The following MAGI3 variants were observed in gnomAD, a reference collection of about 807,000 sequenced individuals.
MAGI3 encodes the protein membrane-associated guanylate kinase, WW and PDZ domain-containing protein 3.
In MAGI3, 43 loss-of-function variants were observed where a neutral mutation model predicts 121.8. That is an observed-to-expected ratio of 0.35 (90% confidence interval 0.28 to 0.46). The LOEUF (loss-of-function observed/expected upper bound fraction) is 0.46, where lower values mean the gene tolerates loss of function less well. Among genes scored for constraint, MAGI3 ranks in the 20% least tolerant of loss-of-function variants. MAGI3 has a pLI of 1.00. For synonymous variants in MAGI3, 553 were observed against 639.3 expected, an observed-to-expected ratio of 0.86 and a Z score of 2.04; for missense variants, 1,547 against 1,797.3, an observed-to-expected ratio of 0.86 and a Z score of 2.52.
intron 1 of MAGI3, among the ~76,000 whole-genome samples, chr1:113,531,152 T>TA: frequency 6.6e-6 from 1 of 152,286 alleles, no homozygotes; most frequent in Admixed American, 6.5e-5. Context: ...TCTTTTTTTT[T>TA]AAGTTAATTT....
In MAGI3 at chr1:113,596,149, G is replaced by A. The variant is rs147856204; in HGVS notation, c.1018+1589G>A. 2.4e-4 allele frequency among the ~76,000 whole-genome samples: 37 copies of A among 151,904 alleles called. No individual in the cohort carries two copies. In the East Asian group the frequency reaches 6.8e-3, roughly 28 times the overall value. The stretch of plus-strand genomic sequence containing the variant: ...GAAGACATAGGGTACCAGATCTGAA[G>A]ACTTATTTTAGAGCTACAGTGATAA... On this transcript the variant is annotated intron_variant, in intron 6 of 20. Coordinates refer to ENST00000307546, the MANE Select transcript of MAGI3 (RefSeq NM_001142782.2).
At chr1:113,520,560 C>T (rs1658125641) in intron 1 of MAGI3, among the ~76,000 whole-genome samples, 2 of 151,706 alleles carry the variant, frequency 1.3e-5, no homozygotes, top group South Asian at 4.2e-4. Context: ...AATCTTAGGG[C>T]TTTTTTTTAA....
intron 15 of MAGI3, among the ~76,000 whole-genome samples, chr1:113,654,721 T>A (rs1244528671): frequency 6.6e-6 from 1 of 152,050 alleles, no homozygotes; most frequent in Non-Finnish European, 1.5e-5. Context: ...AATATTTGTC[T>A]TGATATTTCT....
chr1:113,569,561 T>A (rs1025584458), intron 2 of MAGI3, among the ~76,000 whole-genome samples: 13 of 152,154 alleles, frequency 8.5e-5, no homozygotes, highest in Non-Finnish European at 7.4e-5. Context: ...TTCTTCATAA[T>A]CTCTCTTATT....
At chr1:113,569,975 C>T (rs1038588638) in intron 2 of MAGI3, among the ~76,000 whole-genome samples, 3 of 152,082 alleles carry the variant, frequency 2.0e-5, no homozygotes, top group African/African-American at 4.8e-5. Flanking sequence ...CTGCACCCAT[C>T]AACCTATCAT....
At chr1:113,419,140 G>A (rs1652605909) in intron 1 of MAGI3, among the ~76,000 whole-genome samples, 1 of 151,994 alleles carries the variant, frequency 6.6e-6, no homozygotes, top group South Asian at 2.1e-4. Context: ...ATAGAGTTTA[G>A]GGGGCCCATT....
chr1:113,432,707 GTTAT>G (rs1395088420), intron 1 of MAGI3, among the ~76,000 whole-genome samples: 1 of 151,690 alleles, frequency 6.6e-6, no homozygotes, highest in Non-Finnish European at 1.5e-5. Context: ...AACTTAAAGA[GTTAT>G]TTATCAGGAG....
chr1:113,564,461 A>G (rs1426176790), intron 2 of MAGI3, among the ~76,000 whole-genome samples: 1 of 152,252 alleles, frequency 6.6e-6, no homozygotes, highest in Non-Finnish European at 1.5e-5. Context: ...GAAACTGGCA[A>G]GATAAAATCA....
Position 113,683,849 on chromosome 1 carries a change from C to T in MAGI3, c.4281C>T (p.His1427=). 6.2e-7 allele frequency: 1 copy of T among 1,612,372 alleles called. No individual in the cohort carries two copies. The highest frequency in any genetic ancestry group is 1.3e-5 in the African/African-American group (1 of 74,960). Reference sequence around the variant, plus strand: ...TAGTTTCAAACAAAACAGAAGATCACAAAGGGAAAGAACTAGAGGCAGCTG... The same window carrying T: ...TAGTTTCAAACAAAACAGAAGATCATAAAGGGAAAGAACTAGAGGCAGCTG... ...EKVVSNKTED[H]KGKELEAADK... is the part of the protein sequence containing the mutation. Residue 1427 remains histidine (H), a synonymous_variant, in exon 21 of 21, where the codon CAC becomes CAT. Coordinates refer to ENST00000307546, the MANE Select transcript of MAGI3 (RefSeq NM_001142782.2).
At position 113,571,464 on chromosome 1, in the gene MAGI3, T is replaced by C. The variant is rs542837747; in HGVS notation, c.434-9078T>C. Among the ~76,000 whole-genome samples, 202 of 152,348 alleles carry C rather than the reference T, an allele frequency of 1.3e-3. 2 individuals carry two copies. The highest frequency in any genetic ancestry group is 4.5e-3 in the African/African-American group (188 of 41,588). The stretch of plus-strand genomic sequence containing the variant: ...GTAGCTTGATGGGGATAGCATTGAA[T>C]CTATAAATTACTTTGGGCAGTGTGG... On this transcript the variant is annotated intron_variant, in intron 2 of 20. Transcript: ENST00000307546.
chr1:113,452,071 A>G (rs1654510882), intron 1 of MAGI3, among the ~76,000 whole-genome samples: 1 of 152,212 alleles, frequency 6.6e-6, no homozygotes, highest in South Asian at 2.1e-4. Context: ...TTAATAAAGA[A>G]CAAGAGATCA....
chr1:113,537,449 C>T (rs2153977), intron 1 of MAGI3, among the ~76,000 whole-genome samples: 44,213 of 152,022 alleles, frequency 0.29, 7,283 homozygotes, highest in East Asian at 0.65. Context: ...CTACTGACAT[C>T]ACACCTCCCA....
chr1:113,396,621 A>G (rs1468456217), intron 1 of MAGI3, among the ~76,000 whole-genome samples: 1 of 152,166 alleles, frequency 6.6e-6, no homozygotes, highest in Admixed American at 6.5e-5. Flanking sequence ...ATTATTCAGA[A>G]TGTTTTCCAA....
intron 19 of MAGI3, among the ~76,000 whole-genome samples, chr1:113,679,597 C>A (rs1648090908): frequency 6.6e-6 from 1 of 152,162 alleles, no homozygotes; most frequent in South Asian, 2.1e-4. Context: ...TTGACTTTTA[C>A]ATATTTTCCC....
At chr1:113,641,039 TA>T (rs1652459048) in intron 9 of MAGI3, among the ~76,000 whole-genome samples, 1 of 125,630 alleles carries the variant, frequency 8.0e-6, no homozygotes, top group African/African-American at 3.1e-5. Flanking sequence ...ATGATATATA[TA>T]ATATATATGA....
intron 1 of MAGI3, among the ~76,000 whole-genome samples, chr1:113,478,351 C>T (rs1342890949): frequency 6.6e-6 from 1 of 152,146 alleles, no homozygotes; most frequent in Non-Finnish European, 1.5e-5. Context: ...TCTGGTTTCT[C>T]CTCATTTTTG....
chr1:113,597,968 C>G (rs1260247057), intron 6 of MAGI3, among the ~76,000 whole-genome samples: 1 of 152,096 alleles, frequency 6.6e-6, no homozygotes, highest in Non-Finnish European at 1.5e-5. Flanking sequence ...AATCCCAGCA[C>G]TTTGGGAGGC....
At chr1:113,459,503 C>T (rs888713886) in intron 1 of MAGI3, among the ~76,000 whole-genome samples, 3 of 152,172 alleles carry the variant, frequency 2.0e-5, no homozygotes, top group Non-Finnish European at 2.9e-5. Flanking sequence ...AAAAGTACTT[C>T]TTGTCCTTAA....
At chr1:113,516,055 C>T (rs558790372) in intron 1 of MAGI3, among the ~76,000 whole-genome samples, 72 of 152,034 alleles carry the variant, frequency 4.7e-4, no homozygotes, top group African/African-American at 1.6e-3. Context: ...AAAATTGTCA[C>T]GACTTTCAGA....
Sources: gnomAD v4.1 joint callset for allele counts (sites outside exome capture counted in the v4.1 genomes callset) on GRCh38, gnomAD v4.1.1 for gene constraint, MANE v1.5 for transcripts, NCBI Gene and HGNC (gene_info 2026-07-23, HGNC 2026-07-21) for gene names.